The following CIDEA variants were observed in gnomAD, a reference collection of about 807,000 sequenced individuals.
CIDEA encodes lipid transferase CIDEA.
Under a neutral mutation model 18.2 loss-of-function variants are expected in CIDEA, and 10 were observed. The ratio of observed to expected loss-of-function variants is 0.55; its 90% CI spans 0.34 to 0.93. The LOEUF is 0.93. CIDEA is among the 40% of genes least tolerant of loss of function. The pLI, the probability that CIDEA is intolerant of heterozygous loss-of-function variation, is 0.02. For missense variants in CIDEA, 309 were observed against 293.1 expected, an observed-to-expected ratio of 1.05 and a Z score of -0.40; for synonymous variants, 128 against 124.8, an observed-to-expected ratio of 1.03 and a Z score of -0.17.
chr18:12,275,038 G>T (rs1912666131), intron 4 of CIDEA, among the ~76,000 whole-genome samples: 1 of 152,146 alleles, frequency 6.6e-6, no homozygotes, highest in Non-Finnish European at 1.5e-5. Context: ...AAATGAGAAG[G>T]TTGGTCAGGC....
Position 12,262,973 on chromosome 18 carries a change from C to A in CIDEA, c.183+4C>A, listed in dbSNP as rs1912241213. On this transcript the variant is annotated splice_donor_region_variant and intron_variant, in intron 2 of 4. Coordinates refer to ENST00000320477, the MANE Select transcript of CIDEA (RefSeq NM_001279.4). ...CCTGCAGGAGCTCATCAGCAAGGTG[C>A]CCCACATCCCGCACCTCTCCCCCAG... is the stretch of plus-strand genomic sequence containing the variant. 3.7e-6 allele frequency: 6 copies of A among 1,613,786 alleles called. No individual in the cohort carries two copies. Among genetic ancestry groups the A allele is most frequent in the Non-Finnish European group, 5.1e-6 (6 of 1,179,904 alleles).
intron 3 of CIDEA, among the ~76,000 whole-genome samples, chr18:12,269,436 G>A (rs1404915957): frequency 6.6e-6 from 1 of 152,208 alleles, no homozygotes; most frequent in Non-Finnish European, 1.5e-5. Flanking sequence ...GAGTTGAGGT[G>A]TTTTCAGAAA....
intron 3 of CIDEA, 81 bp downstream of exon 3, chr18:12,264,534 C>T: frequency 5.9e-6 from 6 of 1,019,150 alleles, no homozygotes; most frequent in Non-Finnish European, 5.6e-6. Context: ...TGGGTGTTGA[C>T]TTGTCCACTT....
rs147150550 is a variant in CIDEA, at chr18:12,262,873, G to T, written c.87G>T (p.Pro29=). The part of the protein sequence containing the change: ...GSQTKRVLFT[P]LMHPARPFRV... ...AGACTAAGCGAGTCCTGTTCACCCCGCTCATGCATCCAGCTCGCCCTTTCC... is the reference window on the plus strand; with the variant it reads ...AGACTAAGCGAGTCCTGTTCACCCCTCTCATGCATCCAGCTCGCCCTTTCC... Residue 29 remains proline, a synonymous_variant, in exon 2 of 5, where the codon CCG becomes CCT. Transcript: ENST00000320477. 2.4e-5 allele frequency: 38 copies of T among 1,614,086 alleles called. No homozygotes were observed. The East Asian group carries it at 7.6e-4, about 32-fold the overall frequency.
rs1912126024 is a variant in CIDEA at position 12,259,328 on chromosome 18, C to T, written c.39-3497C>T. Among the ~76,000 whole-genome samples, 6 of 152,354 alleles carry T rather than the reference C, an allele frequency of 3.9e-5. No homozygotes were observed. The South Asian group carries it at 1.2e-3, about 32-fold the overall frequency. On this transcript the variant is annotated intron_variant, in intron 1 of 4. Coordinates refer to ENST00000320477, the MANE Select transcript of CIDEA (RefSeq NM_001279.4). Reference sequence around the variant, plus strand: ...TTTCAGCCATAGAGCAGCTTTTCCGCACAGCCCTCTAGATAGATGTTTATT... The same window carrying T: ...TTTCAGCCATAGAGCAGCTTTTCCGTACAGCCCTCTAGATAGATGTTTATT...
intron 1 of CIDEA, among the ~76,000 whole-genome samples, chr18:12,258,079 G>A (rs1428446613): frequency 6.6e-6 from 1 of 152,126 alleles, no homozygotes; most frequent in Non-Finnish European, 1.5e-5. Flanking sequence ...ACAAGAAGGT[G>A]GGGTGTAAAT....
At chr18:12,268,741 A>C (rs1442543689) in intron 3 of CIDEA, among the ~76,000 whole-genome samples, 2 of 152,154 alleles carry the variant, frequency 1.3e-5, no homozygotes, top group Admixed American at 1.3e-4. Flanking sequence ...ACTGATTAGC[A>C]TATTTTTGAA....
In CIDEA at chr18:12,262,767, T is replaced by G. The variant is rs1912227912; in HGVS notation, c.39-58T>G. 2.0e-6 allele frequency: 3 copies of G among 1,513,616 alleles called. No individual in the cohort carries two copies. In the East Asian group the frequency reaches 6.8e-5, roughly 34 times the overall value. 93.8% of individuals were successfully genotyped at this position (1,513,616 alleles called of 1,614,324 possible). A position where few individuals can be genotyped will look rare whatever the true frequency, so the allele number is the denominator to read the frequency against. On this transcript the variant is annotated intron_variant, in intron 1 of 4. Transcript: ENST00000320477. ...AAAAATGCATTATTTTTATGTACTT[T>G]CACACTTCTTCTGACAGACTCTTTT... is the stretch of plus-strand genomic sequence containing the variant.
intron 2 of CIDEA, 141 bp from the exon 3 acceptor site, chr18:12,264,166 C>A: frequency 1.4e-6 from 1 of 720,166 alleles, no homozygotes; most frequent in Non-Finnish European, 2.1e-6. Flanking sequence ...GTCATAGACA[C>A]AAGTCAAGGT....
At chr18:12,256,369 T>G (rs1047202264) in intron 1 of CIDEA, among the ~76,000 whole-genome samples, 15 of 152,192 alleles carry the variant, frequency 9.9e-5, no homozygotes, top group Admixed American at 2.6e-4. Context: ...CGAATCAATG[T>G]GCACAAAAAT....
intron 3 of CIDEA, among the ~76,000 whole-genome samples, chr18:12,271,013 C>T (rs1256825572): frequency 6.7e-6 from 1 of 149,704 alleles, no homozygotes; most frequent in Non-Finnish European, 1.5e-5. Context: ...ATTCTCCTGC[C>T]TCAGCCTCCC....
At chr18:12,263,106 G>A in intron 2 of CIDEA, 137 bp downstream of exon 2, 1 of 837,106 alleles carries the variant, frequency 1.2e-6, no homozygotes, top group Non-Finnish European at 1.8e-6. Context: ...GAAACGGGGA[G>A]AGAAATTGGG....
In CIDEA at chr18:12,277,499, C is replaced by A. The variant is rs1006714891; in HGVS notation, c.*229C>A. 1 of 538,804 alleles carries A rather than the reference C, an allele frequency of 1.9e-6. No individual in the cohort carries two copies. Among genetic ancestry groups the A allele is most frequent in the Middle Eastern group, 5.1e-4 (1 of 1,974 alleles). The allele number at this position is 538,804 out of a possible 1,614,324, so 33.4% of individuals were successfully genotyped here. A position where few individuals can be genotyped will look rare whatever the true frequency, so the allele number is the denominator to read the frequency against. On this transcript the variant is annotated 3_prime_UTR_variant, in exon 5 of 5. Coordinates refer to ENST00000320477, the MANE Select transcript of CIDEA (RefSeq NM_001279.4). The stretch of plus-strand genomic sequence containing the variant: ...AGAGGGCCCTGGGGGTCATGGGAAG[C>A]GAGCACGCAGCAGGCGTGCCCAGGA...
intron 3 of CIDEA, among the ~76,000 whole-genome samples, chr18:12,269,184 C>T (rs7230089): frequency 0.18 from 27,863 of 152,066 alleles, 2,806 homozygotes; most frequent in Non-Finnish European, 0.22. Context: ...GATGGAGGAA[C>T]GGCATTTTTT....
chr18:12,265,046 T>C (rs547449520), intron 3 of CIDEA, among the ~76,000 whole-genome samples: 5 of 152,302 alleles, frequency 3.3e-5, no homozygotes, highest in Non-Finnish European at 5.9e-5. Context: ...TGCACGGAAT[T>C]GACTTGGCAA....
chr18:12,264,529 G>A, intron 3 of CIDEA, 76 bp downstream of exon 3: 1 of 1,098,700 alleles, frequency 9.1e-7, no homozygotes, highest in Non-Finnish European at 1.3e-6. Flanking sequence ...CTACTTGGGT[G>A]TTGACTTGTC....
intron 3 of CIDEA, among the ~76,000 whole-genome samples, chr18:12,267,849 C>A (rs4796956): frequency 2.0e-5 from 3 of 151,882 alleles, no homozygotes; most frequent in Admixed American, 2.0e-4. Context: ...GCTGCAGAGA[C>A]TTTGTCCCTT....
intron 1 of CIDEA, chr18:12,254,718 G>C: frequency 6.8e-7 from 1 of 1,477,726 alleles, no homozygotes; most frequent in South Asian, 1.2e-5. Context: ...TGCAAACCAG[G>C]TGACAGCTGG....
intron 3 of CIDEA, among the ~76,000 whole-genome samples, chr18:12,267,305 C>A (rs1297706771): frequency 6.6e-6 from 1 of 152,256 alleles, no homozygotes; most frequent in Non-Finnish European, 1.5e-5. Context: ...TTGCAGCACA[C>A]ACGTGTGCCC....
Sources: gnomAD v4.1 joint callset for allele counts (sites outside exome capture counted in the v4.1 genomes callset) on GRCh38, gnomAD v4.1.1 for gene constraint, MANE v1.5 for transcripts, NCBI Gene and HGNC (gene_info 2026-07-23, HGNC 2026-07-21) for gene names.